SSBP4: variants seen among roughly 807,000 people sequenced by gnomAD.
SSBP4 encodes single-stranded DNA-binding protein 4.
In SSBP4, 33 loss-of-function variants were observed where a neutral mutation model predicts 64.6. That is an observed-to-expected ratio of 0.51 (90% CI 0.39 to 0.68). The LOEUF is 0.68. SSBP4 is among the 30% of genes least tolerant of loss of function. The pLI, the probability that SSBP4 is intolerant of heterozygous loss-of-function variation, is 0.00. For missense variants in SSBP4, 583 were observed against 566.8 expected, an observed-to-expected ratio of 1.03 and a Z score of -0.29; for synonymous variants, 243 against 224.0, an observed-to-expected ratio of 1.08 and a Z score of -0.76.
At chr19:18,407,727 G>A in the SSBP4 span, among the ~76,000 whole-genome samples, 3 of 152,000 alleles carry the variant, frequency 2.0e-5, no homozygotes, top group Non-Finnish European at 2.9e-5. Context: ...CACTGTACCC[G>A]GCCTTAGTAA....
the SSBP4 span, among the ~76,000 whole-genome samples, chr19:18,412,120 G>GTGCCACTGC: frequency 6.6e-6 from 1 of 152,072 alleles, no homozygotes; most frequent in Non-Finnish European, 1.5e-5. Flanking sequence ...AGCTGTGATT[G>GTGCCACTGC]TGCCACTGCA....
chr19:18,428,286 C>A (rs542987600), intron 4 of SSBP4, among the ~76,000 whole-genome samples: 3 of 152,316 alleles, frequency 2.0e-5, no homozygotes, highest in Admixed American at 2.0e-4. Flanking sequence ...CATTTCCCCG[C>A]ATCTCATGTG....
chr19:18,422,736 C>T (rs1276587604), intron 1 of SSBP4, among the ~76,000 whole-genome samples: 1 of 152,218 alleles, frequency 6.6e-6, no homozygotes, highest in Non-Finnish European at 1.5e-5. Flanking sequence ...ACGCGGCTCT[C>T]AGGAAGTATC....
chr19:18,406,639 C>T, the SSBP4 span, among the ~76,000 whole-genome samples: 56 of 151,670 alleles, frequency 3.7e-4, no homozygotes, highest in Non-Finnish European at 7.2e-4. Context: ...CAGAGTGAGG[C>T]CCTATGTCTA....
At chr19:18,421,167 G>A (rs1972437428) in intron 1 of SSBP4, among the ~76,000 whole-genome samples, 1 of 152,196 alleles carries the variant, frequency 6.6e-6, no homozygotes, top group South Asian at 2.1e-4. Context: ...AAAGATGCCT[G>A]TCCCCTCTGC....
chr19:18,417,796 G>A (rs1434125787), upstream of SSBP4, among the ~76,000 whole-genome samples: 1 of 152,132 alleles, frequency 6.6e-6, no homozygotes, highest in Non-Finnish European at 1.5e-5. This position sits in a 1 kb window ranked among gnomAD's most constrained non-coding sequence, Gnocchi z 5.4. Context: ...CGGGGCTGGG[G>A]CCGGTCCTGC....
intron 1 of SSBP4, 136 bp downstream of exon 1, chr19:18,419,843 T>G: frequency 1.3e-5 from 6 of 476,138 alleles, no homozygotes; most frequent in Non-Finnish European, 1.1e-5. Context: ...GTCGCGAGAT[T>G]GGCGGGGGCG....
At chr19:18,422,360 A>G (rs1242186411) in intron 1 of SSBP4, among the ~76,000 whole-genome samples, 1 of 152,090 alleles carries the variant, frequency 6.6e-6, no homozygotes, top group Non-Finnish European at 1.5e-5. Flanking sequence ...CTCGGGACTC[A>G]AGGCTCTCGG....
chr19:18,431,699 C>G lies in SSBP4; in HGVS notation c.488C>G (p.Pro163Arg). 1 of 1,551,180 alleles carries G rather than the reference C, an allele frequency of 6.4e-7. No homozygotes were observed. Among genetic ancestry groups the G allele is most frequent in the Non-Finnish European group, 8.7e-7 (1 of 1,147,762 alleles). Residue 163 changes from proline (P) to arginine (R), a missense_variant, in exon 7 of 18, where the codon CCG (proline) becomes CGG (arginine). Physicochemically the swap from Pro to Arg is moderately radical, Grantham distance 103. Around this residue, in one of 5 missense-constraint regions of SSBP4, gnomAD observed 444 missense variants for 386.6 expected, o/e 1.15. Transcript: ENST00000270061. ...GGCCCCCGGCCCACCCTGCGGATGC[C>G]GAGTCAGGTGAGAAAGGGATGAGGG... ...PGGPRPTLRM[P>R]SQPPAGLPGS...
intron 1 of SSBP4, 105 bp downstream of exon 1, chr19:18,419,812 G>A: frequency 1.2e-6 from 1 of 814,438 alleles, no homozygotes; most frequent in Non-Finnish European, 1.5e-6. Flanking sequence ...CGGGGAGCGC[G>A]AGCCTGAGCG....
the SSBP4 span, among the ~76,000 whole-genome samples, chr19:18,407,738 TTTTTG>T: frequency 4.3e-4 from 65 of 152,020 alleles, no homozygotes; most frequent in East Asian, 0.011. Context: ...GCCTTAGTAA[TTTTTG>T]TTTTGTTTTG....
chr19:18,428,897 C>T (rs908742577), intron 4 of SSBP4, among the ~76,000 whole-genome samples: 2 of 152,184 alleles, frequency 1.3e-5, no homozygotes, highest in Non-Finnish European at 1.5e-5. Context: ...TCTGGGGCCC[C>T]GGGGGTGTCT....
rs1972911441 is a variant in SSBP4 at position 18,427,137 on chromosome 19, G to A, written c.60-214G>A. Among the ~76,000 whole-genome samples, 1 of 152,188 alleles carries A rather than the reference G, an allele frequency of 6.6e-6. No individual in the cohort carries two copies. The highest frequency in any genetic ancestry group is 2.4e-5 in the African/African-American group (1 of 41,444). ...ACATGGCCAGGACTTGGTCCTCGAGGGAGCGTGGAACACAGCCGAATTCGG... is the reference window on the plus strand; with the variant it reads ...ACATGGCCAGGACTTGGTCCTCGAGAGAGCGTGGAACACAGCCGAATTCGG... On this transcript the variant is annotated intron_variant, in intron 1 of 17. Transcript: ENST00000270061. The surrounding 1 kb of genome is among the most constrained non-coding windows in gnomAD (Gnocchi z 4.4).
At chr19:18,409,187 CTTTT>C in the SSBP4 span, among the ~76,000 whole-genome samples, 8 of 135,022 alleles carry the variant, frequency 5.9e-5, no homozygotes, top group Admixed American at 1.5e-4. Flanking sequence ...AGTGGCCATT[CTTTT>C]TTTTTTTTTT....
At chr19:18,422,130 C>T (rs1972507062) in intron 1 of SSBP4, among the ~76,000 whole-genome samples, 1 of 152,110 alleles carries the variant, frequency 6.6e-6, no homozygotes, top group African/African-American at 2.4e-5. Context: ...CACTGCCCTC[C>T]AGCCTGGGTG....
In SSBP4 at chr19:18,419,471, C is replaced by G; in HGVS notation, c.-178C>G. ...CTGCGGCCGGGGCCGGAGCTGGAGCCGCCGCTGCCGCCGCCGCCGCGGCCG... is the reference window on the plus strand; with the variant it reads ...CTGCGGCCGGGGCCGGAGCTGGAGCGGCCGCTGCCGCCGCCGCCGCGGCCG... On this transcript the variant is annotated 5_prime_UTR_variant, in exon 1 of 18. Coordinates refer to ENST00000270061, the MANE Select transcript of SSBP4 (RefSeq NM_032627.5). The G allele has an allele frequency of 9.3e-7, 1 of 1,073,536 alleles. No individual in the cohort carries two copies. Among genetic ancestry groups the G allele is most frequent in the Non-Finnish European group, 1.1e-6 (1 of 888,122 alleles). The allele number at this position is 1,073,536 out of a possible 1,614,324, so 66.5% of individuals were successfully genotyped here.
intron 6 of SSBP4, 25 bp downstream of exon 6, chr19:18,431,443 T>A (rs1568354184): frequency 3.1e-5 from 41 of 1,342,228 alleles, no homozygotes; most frequent in Admixed American, 4.7e-5. Flanking sequence ...TGCCTGCCCC[T>A]CACACACACA....
chr19:18,429,183 TG>T (rs1366322887), intron 4 of SSBP4, among the ~76,000 whole-genome samples: 1 of 151,890 alleles, frequency 6.6e-6, no homozygotes, highest in Non-Finnish European at 1.5e-5. Context: ...GGGGGCGCCT[TG>T]CCCGCCGAGC....
chr19:18,431,937 T>TCC, intron 8 of SSBP4, 63 bp from the exon 9 acceptor site: 1 of 1,559,284 alleles, frequency 6.4e-7, no homozygotes, highest in Non-Finnish European at 8.7e-7. Flanking sequence ...CCTTGCTGCC[T>TCC]CCCCACTGTC....
Sources: allele counts gnomAD v4.1 joint callset (sites outside exome capture counted in the v4.1 genomes callset), GRCh38; gene constraint gnomAD v4.1.1; regional missense constraint gnomAD v4.1.1; non-coding constraint Gnocchi (gnomAD v3.1); transcripts MANE v1.5; gene names NCBI Gene and HGNC (gene_info 2026-07-23, HGNC 2026-07-21).